DENND4B: variants seen among roughly 807,000 people sequenced by gnomAD.
The protein encoded by DENND4B is DENN domain containing 4B.
Under a neutral mutation model 161.0 loss-of-function variants are expected in DENND4B, and 67 were observed. The observed-to-expected ratio is 0.42, with a 90% CI of 0.34 to 0.51. The LOEUF (loss-of-function observed/expected upper bound fraction) is 0.51. Ranked by LOEUF, DENND4B falls within the 20% of genes least tolerant of loss-of-function variation. The pLI is 0.08. For synonymous variants in DENND4B, 753 were observed against 813.8 expected, an observed-to-expected ratio of 0.93 and a Z score of 1.27; for missense variants, 1,481 against 1,968.0, an observed-to-expected ratio of 0.75 and a Z score of 4.68.
Position 153,944,488 on chromosome 1 carries a change from GTCCT to G in DENND4B, c.-23-95_-23-92del. The G allele has an allele frequency of 7.6e-7, 1 of 1,318,634 alleles. No homozygotes were observed. The highest frequency in any genetic ancestry group is 1.0e-6 in the Non-Finnish European group (1 of 991,792). The allele number at this position is 1,318,634 out of a possible 1,614,324, so 81.7% of individuals were successfully genotyped here. On this transcript the variant is annotated intron_variant, in intron 1 of 27. Coordinates refer to ENST00000361217, the MANE Select transcript of DENND4B (RefSeq NM_014856.3). This position sits in a 1 kb window ranked among gnomAD's most constrained non-coding sequence, Gnocchi z 4.8. The stretch of plus-strand genomic sequence containing the variant: ...CCCTCTTGCTCCCCTCCTCTTCCTA[GTCCT>G]TCCAAAGAAAGGCAGGATAAGGGGT...
chr1:153,935,001 G>A (rs750922088), intron 17 of DENND4B, 37 bp from the exon 18 acceptor site: 31 of 1,601,178 alleles, frequency 1.9e-5, no homozygotes, highest in African/African-American at 1.9e-4. Flanking sequence ...GGCCTACCTC[G>A]ACACCCTAAC....
Position 153,942,862 on chromosome 1 carries a change from T to C in DENND4B, c.570+16A>G. On this transcript the variant is annotated intron_variant, in intron 3 of 27. Transcript: ENST00000361217. This position sits in a 1 kb window ranked among gnomAD's most constrained non-coding sequence, Gnocchi z 6.9. ...TACACCAAGAGGACCAGGTGTCAGCTCTTGGCCCCACTCACCATGCCAGGG... is the reference window on the plus strand; with the variant it reads ...TACACCAAGAGGACCAGGTGTCAGCCCTTGGCCCCACTCACCATGCCAGGG... 6.3e-7 allele frequency: 1 copy of C among 1,585,560 alleles called. No homozygotes were observed. Among genetic ancestry groups the C allele is most frequent in the Non-Finnish European group, 8.6e-7 (1 of 1,161,456 alleles).
chr1:153,945,232 G>A, intron 1 of DENND4B: 1 of 1,224,654 alleles, frequency 8.2e-7, no homozygotes, highest in Admixed American at 2.4e-5. Context: ...GTAGCTCGCA[G>A]CAGGGGCCCA....
rs1679727268 is a variant in DENND4B at position 153,942,457 on chromosome 1, G to A, written c.640+99C>T. The A allele has an allele frequency of 2.6e-6, 4 of 1,564,022 alleles. No individual in the cohort carries two copies. The highest frequency in any genetic ancestry group is 3.5e-6 in the Non-Finnish European group (4 of 1,153,712). On this transcript the variant is annotated intron_variant, in intron 4 of 27. Coordinates refer to ENST00000361217, the MANE Select transcript of DENND4B (RefSeq NM_014856.3). The surrounding 1 kb of genome is among the most constrained non-coding windows in gnomAD (Gnocchi z 6.9). Reference sequence around the variant, plus strand: ...TCCCAGAGAAGGCCCGAGTAGCAAAGAGAAAGTAAACTCTGGGGACACTTA... The same window carrying A: ...TCCCAGAGAAGGCCCGAGTAGCAAAAAGAAAGTAAACTCTGGGGACACTTA...
At position 153,946,171 on chromosome 1, in the gene DENND4B, G is replaced by T; in HGVS notation, c.-24+130C>A. ...CCTCCCCTCCACTTTCACTTCCCCAGGAGAGAGGAACCGGAACCAGATGTG... is the reference window on the plus strand; with the variant it reads ...CCTCCCCTCCACTTTCACTTCCCCATGAGAGAGGAACCGGAACCAGATGTG... On this transcript the variant is annotated intron_variant, in intron 1 of 27. Coordinates refer to ENST00000361217, the MANE Select transcript of DENND4B (RefSeq NM_014856.3). This position sits in a 1 kb window ranked among gnomAD's most constrained non-coding sequence, Gnocchi z 6.3. The T allele has an allele frequency of 6.7e-6, 2 of 298,442 alleles. No homozygotes were observed. Among genetic ancestry groups the T allele is most frequent in the Non-Finnish European group, 1.2e-5 (2 of 162,642 alleles). The allele number at this position is 298,442 out of a possible 1,614,324, so 18.5% of individuals were successfully genotyped here.
intron 1 of DENND4B, among the ~76,000 whole-genome samples, chr1:153,945,814 G>C (rs1256042494): frequency 6.6e-6 from 1 of 152,222 alleles, no homozygotes; most frequent in South Asian, 2.1e-4. Context: ...GCGCACCGGG[G>C]CCTCCCCTCA....
At position 153,936,981 on chromosome 1, in the gene DENND4B, G is replaced by A. The variant is rs1034011099; in HGVS notation, c.2233-233C>T. On this transcript the variant is annotated intron_variant, in intron 15 of 27. Transcript: ENST00000361217. The surrounding 1 kb of genome is among the most constrained non-coding windows in gnomAD (Gnocchi z 4.1). ...CTGATTGTTTTGTACTTTTTGTAAA[G>A]ACAAGGTTTTGCCACATTGCCCAGG... Among the ~76,000 whole-genome samples, 1 of 152,186 alleles carries A rather than the reference G, an allele frequency of 6.6e-6. No individual in the cohort carries two copies. The highest frequency in any genetic ancestry group is 1.5e-5 in the Non-Finnish European group (1 of 68,024).
chr1:153,930,094 AAACT>A lies in DENND4B; in HGVS notation c.*199_*202del, dbSNP rs1188907418. ...GATCTCCCCCAACATCAGCACGAAC[AAACT>A]GGGTAGGTTGGTGATGGGGGAATCA... On this transcript the variant is annotated 3_prime_UTR_variant, in exon 28 of 28. Coordinates refer to ENST00000361217, the MANE Select transcript of DENND4B (RefSeq NM_014856.3). This position sits in a 1 kb window ranked among gnomAD's most constrained non-coding sequence, Gnocchi z 4.7. 1 of 687,302 alleles carries A rather than the reference AAACT, an allele frequency of 1.5e-6. No homozygotes were observed. 42.6% of individuals were successfully genotyped at this position (687,302 alleles called of 1,614,324 possible).
Position 153,941,448 on chromosome 1 carries a change from A to G in DENND4B, c.1056-8T>C. On this transcript the variant is annotated splice_polypyrimidine_tract_variant and splice_region_variant and intron_variant, in intron 6 of 27. Transcript: ENST00000361217. The stretch of plus-strand genomic sequence containing the variant: ...ATGAAGTGGGAGATGTGCCTGGGGG[A>G]CAGAGAAACAGGTCAGAGCATACTC... The G allele has an allele frequency of 6.2e-7, 1 of 1,609,732 alleles. No homozygotes were observed. The highest frequency in any genetic ancestry group is 8.5e-7 in the Non-Finnish European group (1 of 1,178,598).
chr1:153,942,788 G>A lies in DENND4B; in HGVS notation c.570+90C>T. The A allele has an allele frequency of 6.6e-7, 1 of 1,505,374 alleles. No individual in the cohort carries two copies. The highest frequency in any genetic ancestry group is 8.9e-7 in the Non-Finnish European group (1 of 1,125,310). 93.3% of individuals were successfully genotyped at this position (1,505,374 alleles called of 1,614,324 possible). A position where few individuals can be genotyped will look rare whatever the true frequency, so the allele number is the denominator to read the frequency against. On this transcript the variant is annotated intron_variant, in intron 3 of 27. Coordinates refer to ENST00000361217, the MANE Select transcript of DENND4B (RefSeq NM_014856.3). This position sits in a 1 kb window ranked among gnomAD's most constrained non-coding sequence, Gnocchi z 6.9. ...CCCTCTGGACTCACCCCTGTGGTCA[G>A]AGCCTTGGTCCTGGGATGCCCTTTG...
In DENND4B at chr1:153,934,226, G is replaced by T. The variant is rs1249600045; in HGVS notation, c.2850C>A (p.Asp950Glu). The T allele has an allele frequency of 1.2e-6, 2 of 1,604,524 alleles. No homozygotes were observed. Among genetic ancestry groups the T allele is most frequent in the Admixed American group, 3.5e-5 (2 of 57,786 alleles). Reference sequence around the variant, plus strand: ...CCAGGCGTCCAGGGGGTGAGGCTGGGTCTCTCAGACTTCGCCCAGCCCAAG... The same window carrying T: ...CCAGGCGTCCAGGGGGTGAGGCTGGTTCTCTCAGACTTCGCCCAGCCCAAG... ...QTTWAGRSLR[D>E]PASPPGRLVK... The change falls in exon 19 of 28, where the codon GAC becomes GAA. Residue 950 changes from aspartate (D) to glutamate (E), a missense_variant. This residue lies in a region of DENND4B where 339 missense variants were observed against 330.3 expected (regional missense o/e 1.03). Transcript: ENST00000361217. The surrounding 1 kb of genome is among the most constrained non-coding windows in gnomAD (Gnocchi z 5.3).
chr1:153,931,109 G>A, intron 24 of DENND4B, 45 bp from the exon 25 acceptor site: 2 of 1,487,262 alleles, frequency 1.3e-6, no homozygotes, highest in Non-Finnish European at 1.8e-6. Flanking sequence ...CAACGAATGG[G>A]AGGCAGAGGA....
chr1:153,940,895 G>A lies in DENND4B; in HGVS notation c.1326+9C>T, dbSNP rs146685718. On this transcript the variant is annotated intron_variant, in intron 9 of 27. Transcript: ENST00000361217. The surrounding 1 kb of genome is among the most constrained non-coding windows in gnomAD (Gnocchi z 5.6). ...CTGGGGAAGATGGGCCAGGCGGGGC[G>A]GCACTCACCGAGACGAGGGCCTCAC... 386 of 1,560,668 alleles carry A rather than the reference G, an allele frequency of 2.5e-4. 1 individual carries two copies. The East Asian group carries it at 3.3e-3, about 13-fold the overall frequency.
chr1:153,941,808 T>C, intron 6 of DENND4B, 61 bp downstream of exon 6: 1 of 809,214 alleles, frequency 1.2e-6, no homozygotes, highest in Non-Finnish European at 1.9e-6. Context: ...ATCTCTCCCA[T>C]CTCTCCTGGC....
At position 153,944,056 on chromosome 1, in the gene DENND4B, AC is replaced by A. The variant is rs2102073731; in HGVS notation, c.317+1del. 6.4e-7 allele frequency: 1 copy of A among 1,553,166 alleles called. No homozygotes were observed. The highest frequency in any genetic ancestry group is 1.2e-5 in the South Asian group (1 of 82,012). ...GGTGCCAGCATGGGTAGGGGCACAC[AC>A]CCCAGCTCAACGAGGGGGGGCTTGT... On this transcript the variant is annotated splice_donor_variant, in intron 2 of 27. Transcript: ENST00000361217. LOFTEE classifies it high-confidence loss of function. The surrounding 1 kb of genome is among the most constrained non-coding windows in gnomAD (Gnocchi z 4.8).
rs1392750453 is a variant in DENND4B at position 153,934,864 on chromosome 1, G to C, written c.2669C>G (p.Pro890Arg). 1 of 1,613,472 alleles carries C rather than the reference G, an allele frequency of 6.2e-7. No individual in the cohort carries two copies. Among genetic ancestry groups the C allele is most frequent in the African/African-American group, 1.3e-5 (1 of 74,994 alleles). Reference sequence around the variant, plus strand: ...CTGCTGCTGTTGCCGTTCTCTCAAGGGCTGGCGGAACTGAGCAGCCCCCAG... The same window carrying C: ...CTGCTGCTGTTGCCGTTCTCTCAAGCGCTGGCGGAACTGAGCAGCCCCCAG... The part of the protein sequence containing the change: ...VVLGAAQFRQ[P>R]LRERQQQQQQ... Residue 890 changes from proline to arginine, a missense_variant, in exon 18 of 28, where the codon CCC becomes CGC. Coordinates refer to ENST00000361217, the MANE Select transcript of DENND4B (RefSeq NM_014856.3). The surrounding 1 kb of genome is among the most constrained non-coding windows in gnomAD (Gnocchi z 5.3).
At position 153,929,798 on chromosome 1, in the gene DENND4B, A is replaced by ATAAT. The variant is rs1413458324; in HGVS notation, c.*495_*498dup. 6.5e-6 allele frequency: 1 copy of ATAAT among 152,928 alleles called. No homozygotes were observed. Among genetic ancestry groups the ATAAT allele is most frequent in the Non-Finnish European group, 1.5e-5 (1 of 68,658 alleles). 9.5% of individuals were successfully genotyped at this position (152,928 alleles called of 1,614,324 possible). On this transcript the variant is annotated 3_prime_UTR_variant, in exon 28 of 28. Coordinates refer to ENST00000361217, the MANE Select transcript of DENND4B (RefSeq NM_014856.3). Reference sequence around the variant, plus strand: ...CAAGGGGGCTGTGGCTCCAGAATAAATAATTTAAAATAAAATACAAACACT... The same window carrying ATAAT: ...CAAGGGGGCTGTGGCTCCAGAATAAATAATTAATTTAAAATAAAATACAAACACT...
chr1:153,944,491 C>T lies in DENND4B; in HGVS notation c.-23-94G>A. The T allele has an allele frequency of 7.7e-7, 1 of 1,305,968 alleles. No individual in the cohort carries two copies. The highest frequency in any genetic ancestry group is 1.5e-5 in the African/African-American group (1 of 66,636). The allele number at this position is 1,305,968 out of a possible 1,614,324, so 80.9% of individuals were successfully genotyped here. A position where few individuals can be genotyped will look rare whatever the true frequency, so the allele number is the denominator to read the frequency against. ...TCTTGCTCCCCTCCTCTTCCTAGTCCTTCCAAAGAAAGGCAGGATAAGGGG... is the reference window on the plus strand; with the variant it reads ...TCTTGCTCCCCTCCTCTTCCTAGTCTTTCCAAAGAAAGGCAGGATAAGGGG... On this transcript the variant is annotated intron_variant, in intron 1 of 27. Transcript: ENST00000361217. The surrounding 1 kb of genome is among the most constrained non-coding windows in gnomAD (Gnocchi z 4.8).
At position 153,946,531 on chromosome 1, in the gene DENND4B, C is replaced by T; in HGVS notation, c.-254G>A. ...CGCGTCCCCGCCGCGCTGCGCCACGCGGGGACTGTGCTGCCGCGCTGCTCG... is the reference window on the plus strand; with the variant it reads ...CGCGTCCCCGCCGCGCTGCGCCACGTGGGGACTGTGCTGCCGCGCTGCTCG... On this transcript the variant is annotated 5_prime_UTR_variant, in exon 1 of 28. Transcript: ENST00000361217. This position sits in a 1 kb window ranked among gnomAD's most constrained non-coding sequence, Gnocchi z 6.3. The T allele has an allele frequency of 2.6e-6, 1 of 390,174 alleles. No homozygotes were observed. The highest frequency in any genetic ancestry group is 4.5e-6 in the Non-Finnish European group (1 of 220,468). The allele number at this position is 390,174 out of a possible 1,614,324, so 24.2% of individuals were successfully genotyped here. A position where few individuals can be genotyped will look rare whatever the true frequency, so the allele number is the denominator to read the frequency against.
Sources: gnomAD v4.1 joint callset for allele counts (sites outside exome capture counted in the v4.1 genomes callset) on GRCh38, gnomAD v4.1.1 for gene constraint, gnomAD v4.1.1 regional missense constraint, Gnocchi (gnomAD v3.1) non-coding constraint, MANE v1.5 for transcripts, NCBI Gene and HGNC (gene_info 2026-07-23, HGNC 2026-07-21) for gene names.